CDH20: variants seen among roughly 807,000 people sequenced by gnomAD.
The protein encoded by CDH20 is cadherin 20, also known as cadherin-20.
In CDH20, 29 loss-of-function variants were observed where a neutral mutation model predicts 74.2. The ratio of observed to expected loss-of-function variants is 0.39; its 90% CI spans 0.29 to 0.53. The LOEUF is 0.53. CDH20 is among the 20% of genes least tolerant of loss of function. The pLI, the probability that CDH20 is intolerant of heterozygous loss-of-function variation, is 0.69. For synonymous variants in CDH20, 469 were observed against 405.4 expected (o/e 1.16, Z -1.88); for missense variants, 988 against 1,048.3 (o/e 0.94, Z 0.79).
chr18:61,445,658 A>G (rs949732679), intron 1 of CDH20, among the ~76,000 whole-genome samples: 1 of 152,230 alleles, frequency 6.6e-6, no homozygotes, highest in African/African-American at 2.4e-5. Flanking sequence ...AACCACACTG[A>G]CAGATACAGA....
chr18:61,554,492 A>G lies in CDH20; in HGVS notation c.2203A>G (p.Met735Val). 2.5e-6 allele frequency: 4 copies of G among 1,613,010 alleles called. No individual in the cohort carries two copies. Among genetic ancestry groups the G allele is most frequent in the Non-Finnish European group, 3.4e-6 (4 of 1,179,798 alleles). Residue 735 changes from methionine (M) to valine (V), a missense_variant, in exon 12 of 12, where the codon ATG becomes GTG. By Grantham distance (21) the Met-to-Val change is conservative. Transcript: ENST00000262717. ...YVLAKLYEAD[M>V]DLWAPPFDSL... Reference sequence around the variant, plus strand: ...GCTGGCCAAGCTCTACGAGGCCGACATGGACCTGTGGGCACCGCCCTTCGA... The same window carrying G: ...GCTGGCCAAGCTCTACGAGGCCGACGTGGACCTGTGGGCACCGCCCTTCGA...
At chr18:61,514,443 G>C (rs1346359494) in intron 6 of CDH20, among the ~76,000 whole-genome samples, 1 of 152,216 alleles carries the variant, frequency 6.6e-6, no homozygotes, top group East Asian at 1.9e-4. Flanking sequence ...CCTTTGGTTT[G>C]AATGTCCTCC....
At chr18:61,486,215 A>G (rs1910758430) in intron 1 of CDH20, among the ~76,000 whole-genome samples, 1 of 152,220 alleles carries the variant, frequency 6.6e-6, no homozygotes, top group African/African-American at 2.4e-5. Flanking sequence ...ATATAAAACC[A>G]TACTATCCAC....
Position 61,514,497 on chromosome 18 carries a change from G to C in CDH20, c.1017+6937G>C, listed in dbSNP as rs749175054. 2.0e-5 allele frequency among the ~76,000 whole-genome samples: 3 copies of C among 151,932 alleles called. No homozygotes were observed. In the South Asian group the frequency reaches 6.2e-4, roughly 32 times the overall value. On this transcript the variant is annotated intron_variant, in intron 6 of 11. Coordinates refer to ENST00000262717, the MANE Select transcript of CDH20 (RefSeq NM_031891.4). Reference sequence around the variant, plus strand: ...GATCCTCTGAAGCCTTCTTCTCTCAGCTCGTCAAAGTCATTCTCCATCCAG... The same window carrying C: ...GATCCTCTGAAGCCTTCTTCTCTCACCTCGTCAAAGTCATTCTCCATCCAG...
intron 1 of CDH20, among the ~76,000 whole-genome samples, chr18:61,439,696 GAGT>G (rs1908962739): frequency 6.6e-6 from 1 of 151,962 alleles, no homozygotes; most frequent in Admixed American, 6.6e-5. Flanking sequence ...CAATTTTTTA[GAGT>G]AGAAGAAATA....
chr18:61,406,183 G>A (rs1599063446), intron 1 of CDH20, among the ~76,000 whole-genome samples: 1 of 151,884 alleles, frequency 6.6e-6, no homozygotes, highest in South Asian at 2.1e-4. Context: ...GCCCATTTTT[G>A]TTCAAGTATG....
At chr18:61,358,731 T>C (rs1031164872) in intron 1 of CDH20, among the ~76,000 whole-genome samples, 2 of 152,230 alleles carry the variant, frequency 1.3e-5, no homozygotes, top group African/African-American at 4.8e-5. Flanking sequence ...TAATTCTATT[T>C]GAATTTTTAA....
In CDH20 at chr18:61,499,333, C is replaced by T. The variant is rs774345333; in HGVS notation, c.394C>T (p.Leu132=). The T allele has an allele frequency of 1.8e-5, 29 of 1,614,068 alleles. No homozygotes were observed. Among genetic ancestry groups the T allele is most frequent in the Non-Finnish European group, 2.5e-5 (29 of 1,179,970 alleles). The part of the protein sequence containing the change: ...LDREERAQYT[L]RAQALDRRTG... ...CCGAGAGGAAAGAGCCCAGTATACT[C>T]TAAGGGCTCAAGCCCTAGACAGGCG... Residue 132 remains leucine (L), a synonymous_variant, in exon 3 of 12, where the codon CTA becomes TTA. Coordinates refer to ENST00000262717, the MANE Select transcript of CDH20 (RefSeq NM_031891.4).
chr18:61,340,592 A>G (rs969274421), intron 1 of CDH20, among the ~76,000 whole-genome samples: 3 of 152,206 alleles, frequency 2.0e-5, no homozygotes, highest in Admixed American at 1.3e-4. Context: ...ACTCATAAGT[A>G]TTATACATAT....
intron 1 of CDH20, among the ~76,000 whole-genome samples, chr18:61,468,879 C>A (rs955160051): frequency 2.6e-5 from 4 of 152,160 alleles, no homozygotes; most frequent in Admixed American, 2.6e-4. Context: ...CAAAGGTGTT[C>A]TTTATTATGA....
At chr18:61,501,188 C>T (rs17068406) in intron 4 of CDH20, among the ~76,000 whole-genome samples, 4,097 of 152,146 alleles carry the variant, frequency 0.027, 155 homozygotes, top group East Asian at 0.12. Context: ...ACTGAATGGG[C>T]GAGGAGCAAT....
chr18:61,343,965 T>A (rs1243171833), intron 1 of CDH20, among the ~76,000 whole-genome samples: 3 of 152,098 alleles, frequency 2.0e-5, no homozygotes, highest in Non-Finnish European at 4.4e-5. Flanking sequence ...AACGTGCAGA[T>A]GACTGGCCTG....
intron 1 of CDH20, among the ~76,000 whole-genome samples, chr18:61,390,146 G>A (rs1278130774): frequency 6.7e-6 from 1 of 150,036 alleles, no homozygotes. Context: ...TGGAATATGA[G>A]AACAGGGATC....
chr18:61,462,379 C>T (rs1325001647), intron 1 of CDH20, among the ~76,000 whole-genome samples: 1 of 152,104 alleles, frequency 6.6e-6, no homozygotes, highest in East Asian at 1.9e-4. Flanking sequence ...ACCCTATTCT[C>T]CTGCCTCAAT....
At chr18:61,480,993 C>T (rs1403341569) in intron 1 of CDH20, among the ~76,000 whole-genome samples, 2 of 152,182 alleles carry the variant, frequency 1.3e-5, no homozygotes, top group African/African-American at 4.8e-5. Flanking sequence ...TATGGGAATA[C>T]ACTGATTAAA....
At chr18:61,390,441 C>A (rs1305774291) in intron 1 of CDH20, among the ~76,000 whole-genome samples, 1 of 152,144 alleles carries the variant, frequency 6.6e-6, no homozygotes, top group Non-Finnish European at 1.5e-5. Flanking sequence ...TAAGTCCTAC[C>A]AAACTTGCGA....
At position 61,434,704 on chromosome 18, in the gene CDH20, CT is replaced by C. The variant is rs1908771957; in HGVS notation, c.-152-55696del. Among the ~76,000 whole-genome samples the C allele has an allele frequency of 1.3e-5, 2 of 152,142 alleles. 1 individual carries two copies. Among genetic ancestry groups the C allele is most frequent in the South Asian group, 4.1e-4 (2 of 4,826 alleles). ...CCCAAGCTCCCTGAGCCAGAACTTT[CT>C]TCCTAAGTCTTAATTTGTCATGAAG... On this transcript the variant is annotated intron_variant, in intron 1 of 11. Coordinates refer to ENST00000262717, the MANE Select transcript of CDH20 (RefSeq NM_031891.4).
At chr18:61,443,372 G>A (rs1446401898) in intron 1 of CDH20, among the ~76,000 whole-genome samples, 1 of 152,116 alleles carries the variant, frequency 6.6e-6, no homozygotes, top group East Asian at 1.9e-4. Flanking sequence ...CATATCAACT[G>A]TTGGAGGGAC....
At chr18:61,497,211 T>C (rs1465326132) in intron 2 of CDH20, among the ~76,000 whole-genome samples, 1 of 151,878 alleles carries the variant, frequency 6.6e-6, no homozygotes, top group Non-Finnish European at 1.5e-5. Context: ...ACAACTATTT[T>C]TTCGGTCAAT....
Sources: gnomAD v4.1 joint callset for allele counts (sites outside exome capture counted in the v4.1 genomes callset) on GRCh38, gnomAD v4.1.1 for gene constraint, MANE v1.5 for transcripts, NCBI Gene and HGNC (gene_info 2026-07-23, HGNC 2026-07-21) for gene names.